ITSN2: variants seen among roughly 807,000 people sequenced by gnomAD.
The protein encoded by ITSN2 is intersectin-2.
A neutral mutation model predicts 243.7 loss-of-function variants in ITSN2; 156 were observed. That is an observed-to-expected ratio of 0.64 (90% CI 0.56 to 0.73). The LOEUF (loss-of-function observed/expected upper bound fraction) is 0.73. Ranked by LOEUF, ITSN2 falls within the 30% of genes least tolerant of loss-of-function variation. The pLI, the probability that ITSN2 is intolerant of heterozygous loss-of-function variation, is 0.00. For missense variants in ITSN2, 1,801 were observed against 1,996.1 expected, an observed-to-expected ratio of 0.90 and a Z score of 1.86; for synonymous variants, 703 against 699.9, an observed-to-expected ratio of 1.00 and a Z score of -0.07.
chr2:24,233,944 A>G (rs1238190782), intron 29 of ITSN2, among the ~76,000 whole-genome samples: 1 of 152,200 alleles, frequency 6.6e-6, no homozygotes, highest in Non-Finnish European at 1.5e-5. Flanking sequence ...TTGTTCTTTA[A>G]AGCAAAGTTT....
intron 37 of ITSN2, 100 bp from the exon 38 acceptor site, chr2:24,205,397 G>T: frequency 1.0e-6 from 1 of 981,456 alleles, no homozygotes. Flanking sequence ...GTCCCCATCT[G>T]CCACTGCCCT....
In ITSN2 at chr2:24,248,833, G is replaced by A. The variant is rs372549250; in HGVS notation, c.3166+4C>T. 88 of 1,613,356 alleles carry A rather than the reference G, an allele frequency of 5.5e-5. No homozygotes were observed. Among genetic ancestry groups the A allele is most frequent in the Admixed American group, 4.0e-4 (24 of 59,966 alleles). On this transcript the variant is annotated splice_donor_region_variant and intron_variant, in intron 26 of 39. Coordinates refer to ENST00000355123, the MANE Select transcript of ITSN2 (RefSeq NM_006277.3). ...TAATTTTTTAAGATCACTACTATAC[G>A]TACCAGGTTTTTTATTTGATGCTCC...
Position 24,303,881 on chromosome 2 carries a change from T to C in ITSN2, c.794-19A>G, listed in dbSNP as rs758767813. Reference sequence around the variant, plus strand: ...TGAAAACCTGATTAAGTGGGGAAAATCATAAAGGAATTCTTTAGCATCTTT... The same window carrying C: ...TGAAAACCTGATTAAGTGGGGAAAACCATAAAGGAATTCTTTAGCATCTTT... On this transcript the variant is annotated intron_variant, in intron 8 of 39. Transcript: ENST00000355123. The C allele has an allele frequency of 1.6e-5, 25 of 1,537,314 alleles. No individual in the cohort carries two copies. In the South Asian group the frequency reaches 2.7e-4, roughly 16 times the overall value.
In ITSN2 at chr2:24,203,522, G is replaced by A; in HGVS notation, c.*104C>T. ...GCCCCCAGCGTGCATGGCTTTGTGAGGGGTGAAGCTGCATGGTGCTCCCTC... is the reference window on the plus strand; with the variant it reads ...GCCCCCAGCGTGCATGGCTTTGTGAAGGGTGAAGCTGCATGGTGCTCCCTC... On this transcript the variant is annotated 3_prime_UTR_variant, in exon 40 of 40. Coordinates refer to ENST00000355123, the MANE Select transcript of ITSN2 (RefSeq NM_006277.3). The A allele has an allele frequency of 3.4e-6, 4 of 1,160,924 alleles. No individual in the cohort carries two copies. Among genetic ancestry groups the A allele is most frequent in the Non-Finnish European group, 4.8e-6 (4 of 835,346 alleles). The allele number at this position is 1,160,924 out of a possible 1,614,324, so 71.9% of individuals were successfully genotyped here.
intron 33 of ITSN2, 27 bp from the exon 34 acceptor site, chr2:24,210,974 G>A (rs1436727442): frequency 1.2e-6 from 2 of 1,609,834 alleles, no homozygotes; most frequent in East Asian, 2.2e-5. Flanking sequence ...AGTGTCACAT[G>A]GGGGAGCTGC....
At chr2:24,356,884 C>T (rs552859518) in intron 1 of ITSN2, among the ~76,000 whole-genome samples, 2 of 146,192 alleles carry the variant, frequency 1.4e-5, no homozygotes, top group African/African-American at 5.0e-5. Flanking sequence ...GACTGGGCAA[C>T]AAGAGTGAGA....
chr2:24,220,727 G>T, intron 30 of ITSN2: 2 of 1,347,092 alleles, frequency 1.5e-6, no homozygotes, highest in Non-Finnish European at 9.5e-7. Flanking sequence ...CTCATCTGGG[G>T]GAAAGAGCTC....
Position 24,209,165 on chromosome 2 carries a change from C to T in ITSN2, c.4530G>A (p.Glu1510=), listed in dbSNP as rs764644299. The change falls in exon 36 of 40, where the codon GAG becomes GAA. Residue 1510 remains glutamate (E), a synonymous_variant. Coordinates refer to ENST00000355123, the MANE Select transcript of ITSN2 (RefSeq NM_006277.3). ...CAATGTGGGAAATGTGGAAGACAGG[C>T]TCATCGCTGGAAGGGTCTGTGGGCA... ...VKLPTDPSSD[E]PVFHISHIDR... 6.2e-6 allele frequency: 10 copies of T among 1,614,118 alleles called. No homozygotes were observed. Among genetic ancestry groups the T allele is most frequent in the Non-Finnish European group, 8.5e-6 (10 of 1,179,978 alleles).
intron 29 of ITSN2, chr2:24,241,358 C>T (rs1672706651): frequency 6.6e-6 from 1 of 152,118 alleles, no homozygotes; most frequent in Non-Finnish European, 1.5e-5. Context: ...AAAATAATCC[C>T]TTTATAGGTC....
chr2:24,223,580 G>A (rs1047461338), intron 29 of ITSN2, among the ~76,000 whole-genome samples: 2 of 151,602 alleles, frequency 1.3e-5, no homozygotes, highest in Admixed American at 6.6e-5. Context: ...AGCTACTTGG[G>A]AGGCTAAGGC....
chr2:24,238,643 G>A (rs1194069939), intron 29 of ITSN2, among the ~76,000 whole-genome samples: 1 of 152,088 alleles, frequency 6.6e-6, no homozygotes, highest in Admixed American at 6.6e-5. Context: ...AAAAACACAA[G>A]TCTATTACCC....
intron 32 of ITSN2, among the ~76,000 whole-genome samples, chr2:24,213,542 G>A (rs953696872): frequency 6.6e-6 from 1 of 152,122 alleles, no homozygotes; most frequent in Non-Finnish European, 1.5e-5. Flanking sequence ...AAGCATCTTC[G>A]TGCTTCTTAT....
At chr2:24,296,490 TACAGGTGG>T (rs1444470765) in intron 13 of ITSN2, among the ~76,000 whole-genome samples, 1 of 152,138 alleles carries the variant, frequency 6.6e-6, no homozygotes, top group African/African-American at 2.4e-5. Flanking sequence ...AACAAAGTCA[TACAGGTGG>T]ACCCTAATCC....
intron 37 of ITSN2, among the ~76,000 whole-genome samples, chr2:24,207,856 G>A (rs1332546744): frequency 1.3e-5 from 2 of 151,872 alleles, no homozygotes; most frequent in Non-Finnish European, 2.9e-5. Flanking sequence ...CCTAGAGGAG[G>A]GTGAGGAGGA....
chr2:24,346,792 T>C (rs17789837), intron 1 of ITSN2, among the ~76,000 whole-genome samples: 1,523 of 151,618 alleles, frequency 0.01, 16 homozygotes, highest in Admixed American at 0.015. Context: ...TATAGGTAAA[T>C]ATGTGCCTCT....
chr2:24,240,203 CT>C (rs1372136578), intron 29 of ITSN2: 1 of 152,070 alleles, frequency 6.6e-6, no homozygotes, highest in African/African-American at 2.4e-5. Context: ...TTTAAAGTAA[CT>C]GTCTTTGAAC....
At position 24,302,407 on chromosome 2, in the gene ITSN2, C is replaced by A. The variant is rs572712686; in HGVS notation, c.858-305G>T. 4.9e-3 allele frequency among the ~76,000 whole-genome samples: 740 copies of A among 152,094 alleles called. 10 individuals are homozygous for A. Among genetic ancestry groups the A allele is most frequent in the African/African-American group, 0.017 (722 of 41,484 alleles). ...TAGAGACGGGGTTTCACCGTGTTAG[C>A]CAGGATGGTCTCGATCTCCTGACCT... On this transcript the variant is annotated intron_variant, in intron 9 of 39. Coordinates refer to ENST00000355123, the MANE Select transcript of ITSN2 (RefSeq NM_006277.3).
At position 24,246,290 on chromosome 2, in the gene ITSN2, G is replaced by A; in HGVS notation, c.3416C>T (p.Ala1139Val). 1 of 1,610,348 alleles carries A rather than the reference G, an allele frequency of 6.2e-7. No individual in the cohort carries two copies. The highest frequency in any genetic ancestry group is 8.5e-7 in the Non-Finnish European group (1 of 1,177,228). Residue 1139 changes from alanine to valine, a missense_variant, in exon 29 of 40, where the codon GCA becomes GTA. By Grantham distance (64) the Ala-to-Val change is moderately conservative (BLOSUM62 0). Around this residue, in one of 5 missense-constraint regions of ITSN2, gnomAD observed 928 missense variants for 1,065.4 expected, o/e 0.87. Coordinates refer to ENST00000355123, the MANE Select transcript of ITSN2 (RefSeq NM_006277.3). Reference protein sequence around the residue: ...VCQVIAMYDYAANNEDELSFS... With the variant: ...VCQVIAMYDYVANNEDELSFS... ...ACTGAGCTCATCTTCATTATTTGCT[G>A]CATAGTCATACATAGCAATCACCTG...
intron 29 of ITSN2, among the ~76,000 whole-genome samples, chr2:24,222,668 C>CTTTTTT (rs56149622): frequency 1.2e-3 from 94 of 77,234 alleles, no homozygotes; most frequent in Non-Finnish European, 1.5e-3. Flanking sequence ...TTTTTCTTTT[C>CTTTTTT]TTTTTTTTTT....
Sources: gnomAD v4.1 joint callset for allele counts (sites outside exome capture counted in the v4.1 genomes callset) on GRCh38, gnomAD v4.1.1 for gene constraint, gnomAD v4.1.1 regional missense constraint, MANE v1.5 for transcripts, NCBI Gene and HGNC (gene_info 2026-07-23, HGNC 2026-07-21) for gene names.